MCPH1: variants seen among roughly 807,000 people sequenced by gnomAD.
MCPH1 encodes the protein microcephalin.
MCPH1 carries 104 observed loss-of-function variants against 84.5 expected under a neutral mutation model. The observed-to-expected ratio is 1.23, with a 90% CI of 1.05 to 1.45. MCPH1 has a LOEUF of 1.45. Among genes scored for constraint, MCPH1 ranks in the 40% most tolerant of loss-of-function variants. MCPH1 has a pLI of 0.00. For synonymous variants in MCPH1, 514 were observed against 366.8 expected, an observed-to-expected ratio of 1.40 and a Z score of -4.58; for missense variants, 1,498 against 1,005.7, an observed-to-expected ratio of 1.49 and a Z score of -6.62.
At chr8:6,506,895 T>C (rs1813834042) in intron 12 of MCPH1, among the ~76,000 whole-genome samples, 1 of 152,102 alleles carries the variant, frequency 6.6e-6, no homozygotes, top group Non-Finnish European at 1.5e-5. Flanking sequence ...TTTTGACTGT[T>C]AATGATGCTT....
intron 12 of MCPH1, among the ~76,000 whole-genome samples, chr8:6,550,318 T>C (rs1823406756): frequency 6.6e-6 from 1 of 152,124 alleles, no homozygotes; most frequent in South Asian, 2.1e-4. Context: ...CCTATGTGTG[T>C]GGGTCCTGGG....
At chr8:6,447,144 A>C (rs1056899686) in intron 8 of MCPH1, 1 of 985,322 alleles carries the variant, frequency 1.0e-6, no homozygotes, top group African/African-American at 1.7e-5. Flanking sequence ...AAAGACCTAC[A>C]TGTTGGCTAG....
chr8:6,612,861 G>A (rs943718115), intron 12 of MCPH1, among the ~76,000 whole-genome samples: 3 of 152,230 alleles, frequency 2.0e-5, no homozygotes, highest in Non-Finnish European at 4.4e-5. Context: ...TTTAGTGGGC[G>A]TGCGCCACTC....
At chr8:6,406,722 G>T (rs1010929757) in intron 1 of MCPH1, 33 bp downstream of exon 1, 4 of 1,609,118 alleles carry the variant, frequency 2.5e-6, no homozygotes, top group Non-Finnish European at 3.4e-6. Context: ...CTCCAGCAGC[G>T]GGAGTTTGAG....
intron 12 of MCPH1, among the ~76,000 whole-genome samples, chr8:6,604,966 G>C (rs1007358238): frequency 2.0e-5 from 3 of 152,238 alleles, no homozygotes; most frequent in African/African-American, 4.8e-5. Flanking sequence ...CAAAAGGAAA[G>C]AAAATTAGGA....
intron 13 of MCPH1, chr8:6,625,948 T>G: frequency 1.0e-6 from 1 of 985,064 alleles, no homozygotes; most frequent in Non-Finnish European, 1.2e-6. Context: ...CTTTCTTTAT[T>G]ATTATTAGTA....
At chr8:6,619,978 C>T (rs562874170) in intron 12 of MCPH1, among the ~76,000 whole-genome samples, 29 of 152,338 alleles carry the variant, frequency 1.9e-4, no homozygotes, top group Admixed American at 1.4e-3. Context: ...AGCTTGGCCC[C>T]GTGATGCTAG....
chr8:6,628,697 A>T (rs1208910336), intron 13 of MCPH1, among the ~76,000 whole-genome samples: 1 of 152,192 alleles, frequency 6.6e-6, no homozygotes, highest in East Asian at 1.9e-4. Flanking sequence ...TGCTGTACAA[A>T]TTCACAAAGC....
At chr8:6,428,921 T>C (rs1801448753) in intron 3 of MCPH1, among the ~76,000 whole-genome samples, 1 of 152,158 alleles carries the variant, frequency 6.6e-6, no homozygotes, top group Non-Finnish European at 1.5e-5. Context: ...TATTTCTAAA[T>C]ACTGTGGCCG....
chr8:6,484,297 A>G (rs1809589881), intron 11 of MCPH1, among the ~76,000 whole-genome samples: 1 of 152,264 alleles, frequency 6.6e-6, no homozygotes, highest in Non-Finnish European at 1.5e-5. Context: ...GCAAATAAGC[A>G]TCTAAAAAGA....
intron 9 of MCPH1, among the ~76,000 whole-genome samples, chr8:6,470,435 C>G (rs1431599942): frequency 1.3e-5 from 2 of 152,108 alleles, no homozygotes; most frequent in East Asian, 1.9e-4. Flanking sequence ...AGGTTTCCTG[C>G]CACCACACCC....
At chr8:6,424,910 C>CT (rs563874053) in intron 3 of MCPH1, among the ~76,000 whole-genome samples, 101 of 152,332 alleles carry the variant, frequency 6.6e-4, no homozygotes, top group Admixed American at 1.0e-3. Context: ...ATGCCATTCA[C>CT]TTTTTTACCT....
chr8:6,608,705 C>T (rs1019805609), intron 12 of MCPH1, among the ~76,000 whole-genome samples: 22 of 152,178 alleles, frequency 1.4e-4, no homozygotes, highest in Admixed American at 8.5e-4. Flanking sequence ...TCAGAATGCT[C>T]GGAGTTGGGG....
intron 8 of MCPH1, chr8:6,447,144 A>G (rs1056899686): frequency 2.0e-6 from 2 of 985,322 alleles, no homozygotes; most frequent in African/African-American, 1.7e-5. Context: ...AAAGACCTAC[A>G]TGTTGGCTAG....
intron 12 of MCPH1, among the ~76,000 whole-genome samples, chr8:6,613,300 G>T (rs767112453): frequency 6.6e-6 from 1 of 152,208 alleles, no homozygotes; most frequent in Non-Finnish European, 1.5e-5. Context: ...ATAGAAACAC[G>T]GAGGGCCACA....
At chr8:6,519,592 T>A (rs1239547118) in intron 12 of MCPH1, among the ~76,000 whole-genome samples, 1 of 152,238 alleles carries the variant, frequency 6.6e-6, no homozygotes, top group East Asian at 1.9e-4. Context: ...TATGCATTAT[T>A]CAAGCAAAAT....
intron 2 of MCPH1, among the ~76,000 whole-genome samples, chr8:6,412,965 A>G (rs1247902959): frequency 6.6e-6 from 1 of 152,214 alleles, no homozygotes; most frequent in East Asian, 1.9e-4. Flanking sequence ...AAAGACAGCT[A>G]CTTTCAAATC....
intron 12 of MCPH1, among the ~76,000 whole-genome samples, chr8:6,523,620 C>T (rs926868685): frequency 2.6e-5 from 4 of 152,200 alleles, no homozygotes; most frequent in African/African-American, 7.2e-5. Context: ...CTCGGAGTCT[C>T]GCGCTGTGGC....
At chr8:6,456,680 G>A (rs1450599147) in intron 9 of MCPH1, among the ~76,000 whole-genome samples, 8 of 149,910 alleles carry the variant, frequency 5.3e-5, no homozygotes, top group Admixed American at 5.3e-4. Flanking sequence ...TAAGTGCTCA[G>A]TAAATATTGA....
Sources: gnomAD v4.1 joint callset for allele counts (sites outside exome capture counted in the v4.1 genomes callset) on GRCh38, gnomAD v4.1.1 for gene constraint, MANE v1.5 for transcripts, NCBI Gene and HGNC (gene_info 2026-07-23, HGNC 2026-07-21) for gene names.